Variants in MICU2 observed in about 807,000 individuals in gnomAD.
The protein encoded by MICU2 is calcium uptake protein 2, mitochondrial.
MICU2 carries 64 observed loss-of-function variants against 60.4 expected under a neutral mutation model. The ratio of observed to expected loss-of-function variants is 1.06; its 90% CI spans 0.87 to 1.31. MICU2 has a LOEUF of 1.31. Among genes scored for constraint, MICU2 ranks in the 50% most tolerant of loss-of-function variants. The probability of loss-of-function intolerance (pLI) is 0.00; values close to 1 mark genes in which losing one functional copy is unlikely to be tolerated. For missense variants in MICU2, 569 were observed against 531.0 expected, an observed-to-expected ratio of 1.07 and a Z score of -0.70; for synonymous variants, 201 against 175.0, an observed-to-expected ratio of 1.15 and a Z score of -1.17.
chr13:21,500,341 T>G (rs1886114297), intron 9 of MICU2, among the ~76,000 whole-genome samples: 1 of 152,054 alleles, frequency 6.6e-6, no homozygotes, highest in Admixed American at 6.5e-5. Context: ...ATTCACATGT[T>G]GATTTTCAAG....
intron 2 of MICU2, among the ~76,000 whole-genome samples, chr13:21,552,906 A>G (rs1401811129): frequency 6.6e-6 from 1 of 152,092 alleles, no homozygotes; most frequent in Non-Finnish European, 1.5e-5. Context: ...TTGACTTCGC[A>G]ATGCGGGCTC....
At chr13:21,538,731 G>A (rs1488978352) in intron 4 of MICU2, among the ~76,000 whole-genome samples, 1 of 152,078 alleles carries the variant, frequency 6.6e-6, no homozygotes, top group African/African-American at 2.4e-5. Context: ...CAAATATGAT[G>A]CCATTTTATA....
At chr13:21,573,530 T>C (rs1332464298) in intron 1 of MICU2, among the ~76,000 whole-genome samples, 1 of 152,094 alleles carries the variant, frequency 6.6e-6, no homozygotes, top group East Asian at 1.9e-4. Flanking sequence ...CCTCGGCCTA[T>C]AAAAGTGCTG....
chr13:21,566,770 A>T, intron 2 of MICU2, 27 bp downstream of exon 2: 1 of 1,506,004 alleles, frequency 6.6e-7, no homozygotes, highest in Non-Finnish European at 8.8e-7. Flanking sequence ...GATTTTTTTA[A>T]TTAAAAAAAA....
chr13:21,517,404 A>C (rs1308869168), intron 6 of MICU2, among the ~76,000 whole-genome samples: 1 of 152,256 alleles, frequency 6.6e-6, no homozygotes, highest in Non-Finnish European at 1.5e-5. Context: ...ATAAGCTAAG[A>C]TAAATCCCTG....
rs531292391 is a variant in MICU2, at chr13:21,535,363, T to A, written c.466+3939A>T. Among the ~76,000 whole-genome samples, 3 of 152,270 alleles carry A rather than the reference T, an allele frequency of 2.0e-5. No homozygotes were observed. The East Asian group carries it at 5.8e-4, about 29-fold the overall frequency. ...TAATCATAAGATAACTCAGTTTATATCCACAGAGATTATCTGAGTTTTCAC... is the reference window on the plus strand; with the variant it reads ...TAATCATAAGATAACTCAGTTTATAACCACAGAGATTATCTGAGTTTTCAC... On this transcript the variant is annotated intron_variant, in intron 4 of 11. Transcript: ENST00000382374.
intron 2 of MICU2, among the ~76,000 whole-genome samples, chr13:21,543,633 A>G (rs1304419307): frequency 6.6e-6 from 1 of 152,210 alleles, no homozygotes; most frequent in East Asian, 1.9e-4. Context: ...CTTCACAAAA[A>G]TAACTACAAA....
intron 1 of MICU2, among the ~76,000 whole-genome samples, chr13:21,579,968 T>A (rs1422518687): frequency 2.6e-5 from 4 of 152,178 alleles, no homozygotes; most frequent in African/African-American, 9.7e-5. Context: ...TGCTTTACAG[T>A]AGCACCAAGC....
At chr13:21,549,121 G>A (rs565008845) in intron 2 of MICU2, among the ~76,000 whole-genome samples, 1 of 151,762 alleles carries the variant, frequency 6.6e-6, no homozygotes, top group Non-Finnish European at 1.5e-5. Flanking sequence ...AGTAGAGACG[G>A]GGTTTCACCG....
intron 2 of MICU2, among the ~76,000 whole-genome samples, chr13:21,566,352 T>C (rs1014883662): frequency 3.3e-5 from 5 of 152,192 alleles, no homozygotes; most frequent in African/African-American, 1.2e-4. Context: ...ATTTCTGAAA[T>C]CTGAAACAAA....
intron 1 of MICU2, among the ~76,000 whole-genome samples, chr13:21,593,077 G>A (rs1047524760): frequency 2.0e-5 from 3 of 152,184 alleles, no homozygotes; most frequent in Non-Finnish European, 4.4e-5. Context: ...AAGTCAAGTT[G>A]TCTCTGTTTG....
chr13:21,520,858 T>G (rs1402421574), intron 6 of MICU2, among the ~76,000 whole-genome samples: 1 of 152,118 alleles, frequency 6.6e-6, no homozygotes, highest in African/African-American at 2.4e-5. Flanking sequence ...CAATTCTTTA[T>G]GAAGGCTTAA....
At chr13:21,559,511 T>C (rs954374172) in intron 2 of MICU2, among the ~76,000 whole-genome samples, 4 of 149,904 alleles carry the variant, frequency 2.7e-5, no homozygotes, top group Non-Finnish European at 5.9e-5. Flanking sequence ...TTTTCCAAAG[T>C]AGGAGTTTCT....
chr13:21,536,915 C>T (rs73156612), intron 4 of MICU2, among the ~76,000 whole-genome samples: 2,105 of 152,280 alleles, frequency 0.014, 19 homozygotes, highest in Admixed American at 0.024. Context: ...TCTATTTCTA[C>T]GGTCACTCCC....
intron 1 of MICU2, among the ~76,000 whole-genome samples, chr13:21,584,185 C>T (rs982772309): frequency 7.2e-5 from 11 of 151,828 alleles, no homozygotes; most frequent in East Asian, 1.9e-4. Context: ...GTCAGGAGAT[C>T]GAGACCATCA....
intron 2 of MICU2, among the ~76,000 whole-genome samples, chr13:21,553,190 G>A (rs2138021788): frequency 1.3e-5 from 2 of 152,228 alleles, no homozygotes; most frequent in East Asian, 3.9e-4. Flanking sequence ...TCTCTTTGAA[G>A]CAATTGTGAA....
intron 4 of MICU2, among the ~76,000 whole-genome samples, chr13:21,532,269 T>C (rs545928969): frequency 3.3e-5 from 5 of 152,232 alleles, no homozygotes; most frequent in Admixed American, 6.5e-5. Flanking sequence ...CCATTTCATA[T>C]AATCTCCACT....
At chr13:21,532,984 A>C (rs1445537104) in intron 4 of MICU2, among the ~76,000 whole-genome samples, 6 of 152,330 alleles carry the variant, frequency 3.9e-5, no homozygotes, top group Admixed American at 3.3e-4. Flanking sequence ...ATGGGGTAAA[A>C]TAGGGAAAAA....
At chr13:21,550,356 GC>G (rs1887525535) in intron 2 of MICU2, among the ~76,000 whole-genome samples, 1 of 152,172 alleles carries the variant, frequency 6.6e-6, no homozygotes, top group Admixed American at 6.5e-5. Context: ...GGGCAACCAA[GC>G]AAAACCTCTC....
Sources: gnomAD v4.1 joint callset for allele counts (sites outside exome capture counted in the v4.1 genomes callset) on GRCh38, gnomAD v4.1.1 for gene constraint, MANE v1.5 for transcripts, NCBI Gene and HGNC (gene_info 2026-07-23, HGNC 2026-07-21) for gene names.